Variants in FBLN2 observed in about 807,000 individuals in gnomAD.
FBLN2 encodes the protein fibulin 2.
Under a neutral mutation model 123.7 loss-of-function variants are expected in FBLN2, and 81 were observed. The ratio of observed to expected loss-of-function variants is 0.65; its 90% CI spans 0.55 to 0.79. The LOEUF (loss-of-function observed/expected upper bound fraction) is 0.79. Among genes scored for constraint, FBLN2 ranks in the 30% least tolerant of loss-of-function variants. FBLN2 has a pLI of 0.00. For synonymous variants in FBLN2, 699 were observed against 701.4 expected, an observed-to-expected ratio of 1.00 and a Z score of 0.05; for missense variants, 1,603 against 1,681.3, an observed-to-expected ratio of 0.95 and a Z score of 0.81.
intron 16 of FBLN2, among the ~76,000 whole-genome samples, chr3:13,634,669 C>G (rs1706393076): frequency 1.3e-5 from 2 of 152,266 alleles, no homozygotes; most frequent in African/African-American, 2.4e-5. Flanking sequence ...TTTTCTCCCA[C>G]TCACTTCTGC....
At position 13,631,323 on chromosome 3, in the gene FBLN2, T is replaced by G. The variant is rs1047528585; in HGVS notation, c.3086-6T>G. On this transcript the variant is annotated splice_region_variant and splice_polypyrimidine_tract_variant and intron_variant, in intron 15 of 17. Coordinates refer to ENST00000404922, the MANE Select transcript of FBLN2 (RefSeq NM_001004019.2). ...GTTCACCAGGGGCTGAACCTCTCTC[T>G]GACAGACATCGACGAGTGTGCTCAA... 2.9e-5 allele frequency: 47 copies of G among 1,601,292 alleles called. No homozygotes were observed. The highest frequency in any genetic ancestry group is 3.8e-5 in the Non-Finnish European group (45 of 1,174,656).
At chr3:13,572,689 A>G (rs1704002053) in intron 2 of FBLN2, among the ~76,000 whole-genome samples, 1 of 152,246 alleles carries the variant, frequency 6.6e-6, no homozygotes, top group Admixed American at 6.5e-5. Flanking sequence ...CAGCACAGTC[A>G]GACACCCCAT....
At chr3:13,588,473 G>A (rs1704575598) in intron 2 of FBLN2, among the ~76,000 whole-genome samples, 1 of 152,240 alleles carries the variant, frequency 6.6e-6, no homozygotes, top group African/African-American at 2.4e-5. Context: ...AAGGGCCCCA[G>A]CCTGGCCCTG....
chr3:13,628,816 C>G (rs776129341), intron 11 of FBLN2, 89 bp from the exon 12 acceptor site: 7 of 1,492,128 alleles, frequency 4.7e-6, no homozygotes, highest in East Asian at 2.4e-5. Context: ...GAGCCCAGGA[C>G]CGACCCCCTC....
chr3:13,611,742 A>T (rs538660241), intron 4 of FBLN2, among the ~76,000 whole-genome samples: 112 of 152,340 alleles, frequency 7.4e-4, no homozygotes, highest in Non-Finnish European at 1.3e-3. Context: ...TGCTGTGAAC[A>T]TGAGCAGAAG....
chr3:13,570,820 G>A lies in FBLN2; in HGVS notation c.465G>A (p.Pro155=), dbSNP rs370896604. Residue 155 remains proline, a synonymous_variant, in exon 2 of 18, where the codon CCG becomes CCA. Transcript: ENST00000404922. The part of the protein sequence containing the change: ...KYAAGHTVHL[P]PCRACHCPDA... Reference sequence around the variant, plus strand: ...CCGCTGGCCACACTGTTCACCTGCCGCCCTGCCGGGCCTGCCACTGCCCTG... The same window carrying A: ...CCGCTGGCCACACTGTTCACCTGCCACCCTGCCGGGCCTGCCACTGCCCTG... 4.8e-5 allele frequency: 77 copies of A among 1,597,788 alleles called. No individual in the cohort carries two copies. Among genetic ancestry groups the A allele is most frequent in the Middle Eastern group, 1.6e-4 (1 of 6,068 alleles).
intron 1 of FBLN2, among the ~76,000 whole-genome samples, chr3:13,560,090 C>T (rs1703565357): frequency 6.6e-6 from 1 of 152,166 alleles, no homozygotes; most frequent in African/African-American, 2.4e-5. Context: ...CCAAAAGCAA[C>T]ATTTTCTTTC....
chr3:13,600,734 G>A (rs1377882409), intron 2 of FBLN2, among the ~76,000 whole-genome samples: 1 of 151,244 alleles, frequency 6.6e-6, no homozygotes, highest in Non-Finnish European at 1.5e-5. Context: ...TCCTGCCTCA[G>A]CCTCCCAAGT....
chr3:13,553,376 G>A (rs9879709), intron 1 of FBLN2, among the ~76,000 whole-genome samples: 124,100 of 152,084 alleles, frequency 0.82, 50,962 homozygotes, highest in East Asian at 1. Context: ...AAACTGAGGC[G>A]CAGAGTGGGG....
At chr3:13,628,611 C>T (rs1706131800) in intron 11 of FBLN2, among the ~76,000 whole-genome samples, 1 of 152,206 alleles carries the variant, frequency 6.6e-6, no homozygotes, top group Non-Finnish European at 1.5e-5. Context: ...GCAGCTAGAC[C>T]CCTGGCACGT....
At chr3:13,612,294 C>CCTTT (rs67522122) in intron 4 of FBLN2, among the ~76,000 whole-genome samples, 7,710 of 117,198 alleles carry the variant, frequency 0.066, 300 homozygotes, top group Middle Eastern at 0.076. Context: ...CTTTTATTTT[C>CCTTT]CTTTCTTTCT....
At chr3:13,630,006 G>T in intron 14 of FBLN2, 61 bp downstream of exon 14, 2 of 1,591,866 alleles carry the variant, frequency 1.3e-6, no homozygotes, top group Non-Finnish European at 8.5e-7. Context: ...CAGACCCGCC[G>T]TGGAAGGCCC....
chr3:13,619,091 T>G (rs2124894418), intron 7 of FBLN2, 74 bp downstream of exon 7: 4 of 1,126,652 alleles, frequency 3.6e-6, no homozygotes, highest in Non-Finnish European at 5.2e-6. Flanking sequence ...TTGCAGGTGG[T>G]GAGCTGTCTG....
chr3:13,636,600 G>T, intron 17 of FBLN2, 32 bp downstream of exon 17: 1 of 1,607,654 alleles, frequency 6.2e-7, no homozygotes, highest in East Asian at 2.2e-5. Context: ...CCAGTCCCAG[G>T]GAGCCTGTCC....
At chr3:13,606,560 A>G (rs1240939002) in intron 2 of FBLN2, among the ~76,000 whole-genome samples, 1 of 152,244 alleles carries the variant, frequency 6.6e-6, no homozygotes, top group Non-Finnish European at 1.5e-5. Flanking sequence ...TGACTCCTCA[A>G]AAACTTAACT....
intron 4 of FBLN2, among the ~76,000 whole-genome samples, chr3:13,611,254 G>A (rs1705383055): frequency 6.6e-6 from 1 of 152,158 alleles, no homozygotes; most frequent in South Asian, 2.1e-4. Context: ...GCTGAAATTA[G>A]TTTTGATCAT....
At chr3:13,633,087 C>G in intron 16 of FBLN2, among the ~76,000 whole-genome samples, 1 of 152,136 alleles carries the variant, frequency 6.6e-6, no homozygotes, top group African/African-American at 2.4e-5. Flanking sequence ...AGGACAGACT[C>G]TCCCTGGCTG....
rs955520917 is a variant in FBLN2 at position 13,571,556 on chromosome 3, C to T, written c.1201C>T (p.Pro401Ser). The change falls in exon 2 of 18, where the codon CCC becomes TCC. Residue 401 changes from proline to serine, a missense_variant. Transcript: ENST00000404922. ...ACTGCCTGATGCAGCCTGGATCCCACCCACCCGAGAAGTGCCCAGGAAGCC... is the reference window on the plus strand; with the variant it reads ...ACTGCCTGATGCAGCCTGGATCCCATCCACCCGAGAAGTGCCCAGGAAGCC... ...TSLPDAAWIP[P>S]TREVPRKPQV... The T allele has an allele frequency of 6.2e-7, 1 of 1,613,602 alleles. No homozygotes were observed. The highest frequency in any genetic ancestry group is 1.3e-5 in the African/African-American group (1 of 75,062).
intron 1 of FBLN2, among the ~76,000 whole-genome samples, chr3:13,558,752 C>T (rs1476602593): frequency 9.6e-6 from 1 of 104,560 alleles, no homozygotes; most frequent in African/African-American, 3.8e-5. Flanking sequence ...CATCCATTCA[C>T]TCGTCCATCC....
Sources: gnomAD v4.1 joint callset for allele counts (sites outside exome capture counted in the v4.1 genomes callset) on GRCh38, gnomAD v4.1.1 for gene constraint, MANE v1.5 for transcripts, NCBI Gene and HGNC (gene_info 2026-07-23, HGNC 2026-07-21) for gene names.